DAB1: variants seen among roughly 807,000 people sequenced by gnomAD.
DAB1 encodes the protein DAB adaptor protein 1.
DAB1 carries 15 observed loss-of-function variants against 64.6 expected under a neutral mutation model. The ratio of observed to expected loss-of-function variants is 0.23; its 90% confidence interval spans 0.16 to 0.36. The LOEUF is 0.36. Ranked by LOEUF, DAB1 falls within the 10% of genes least tolerant of loss-of-function variation. DAB1 has a pLI of 1.00. For missense variants in DAB1, 596 were observed against 706.7 expected (o/e 0.84, Z 1.78); for synonymous variants, 235 against 251.9 (o/e 0.93, Z 0.64).
intron 8 of DAB1, among the ~76,000 whole-genome samples, chr1:57,064,292 G>A (rs543421510): frequency 6.6e-6 from 1 of 152,222 alleles, no homozygotes; most frequent in African/African-American, 2.4e-5. Flanking sequence ...GAGATGTTAG[G>A]GACTTTGCCC....
At chr1:58,541,286 T>C (rs1472306809) in intron 1 of DAB1, among the ~76,000 whole-genome samples, 5 of 54,870 alleles carry the variant, frequency 9.1e-5, no homozygotes, top group African/African-American at 2.9e-4. Context: ...AGAGTGAGAC[T>C]CTGTCTCAAA....
intron 5 of DAB1, among the ~76,000 whole-genome samples, chr1:58,031,463 A>G (rs139266352): frequency 3.9e-5 from 6 of 152,288 alleles, no homozygotes; most frequent in African/African-American, 1.2e-4. Context: ...TGAAATAAGA[A>G]TCTTCAGTGA....
chr1:57,847,460 T>C (rs773967281), intron 1 of DAB1, among the ~76,000 whole-genome samples: 17 of 152,216 alleles, frequency 1.1e-4, no homozygotes, highest in Middle Eastern at 3.4e-3. Flanking sequence ...AAATAAAGTC[T>C]TTCAGATTGG....
chr1:58,037,196 C>T (rs1333956225), intron 5 of DAB1, among the ~76,000 whole-genome samples: 1 of 152,128 alleles, frequency 6.6e-6, no homozygotes, highest in South Asian at 2.1e-4. Flanking sequence ...ACCCCCTTTG[C>T]CTGCACACAC....
At chr1:58,077,040 G>A (rs1157417904) in intron 5 of DAB1, among the ~76,000 whole-genome samples, 1 of 152,170 alleles carries the variant, frequency 6.6e-6, no homozygotes, top group Non-Finnish European at 1.5e-5. Context: ...GCCTTCAGGA[G>A]CAATGCTTGT....
rs1481976465 is a variant in DAB1, at chr1:57,641,378, GGTTTTTTTTTTT to G, written n.625+8202_625+8213del. ...TGCCCAGTTCCCTCTTTTTTTTGTT[GGTTTTTTTTTTT>G]TTTTTTTTTTTGAGACGGAGTCTCG... On this transcript the variant is annotated intron_variant and non_coding_transcript_variant, in intron 7 of 20. Transcript: ENST00000485760. 4.6e-5 allele frequency among the ~76,000 whole-genome samples: 5 copies of G among 109,804 alleles called. 1 individual carries two copies. Among genetic ancestry groups the G allele is most frequent in the Non-Finnish European group, 9.2e-5 (5 of 54,196 alleles). The allele number at this position is 109,804 out of a possible 152,430, so 72.0% of individuals were successfully genotyped here.
chr1:57,383,544 G>A (rs1048219949), intron 1 of DAB1, among the ~76,000 whole-genome samples: 2 of 152,152 alleles, frequency 1.3e-5, no homozygotes, highest in Non-Finnish European at 2.9e-5. Context: ...AAAACAGTGT[G>A]GTGCTGGCAT....
chr1:58,235,289 T>C (rs552682643), intron 4 of DAB1, among the ~76,000 whole-genome samples: 1 of 152,366 alleles, frequency 6.6e-6, no homozygotes, highest in South Asian at 2.1e-4. Context: ...AGATGTTCAG[T>C]AGCTTGTTGA....
chr1:57,405,648 C>T (rs1184067994), intron 1 of DAB1, among the ~76,000 whole-genome samples: 1 of 152,218 alleles, frequency 6.6e-6, no homozygotes, highest in Non-Finnish European at 1.5e-5. Flanking sequence ...GTCCAGTATT[C>T]TGTTACTGCA....
chr1:57,159,856 C>CAAA lies in DAB1; in HGVS notation c.68-14430_68-14428dup, dbSNP rs398049302. ...CACGTACAAGGTAGAAGCAGCAAGACAAAAAAAAAAAAAAAAAAAAAGGAA... is the reference window on the plus strand; with the variant it reads ...CACGTACAAGGTAGAAGCAGCAAGACAAAAAAAAAAAAAAAAAAAAAAAAGGAA... On this transcript the variant is annotated intron_variant, in intron 2 of 14. Transcript: ENST00000371236. Among the ~76,000 whole-genome samples, 592 of 86,308 alleles carry CAAA rather than the reference C, an allele frequency of 6.9e-3. 15 individuals are homozygous for CAAA. The highest frequency in any genetic ancestry group is 0.063 in the East Asian group (176 of 2,800). The allele number at this position is 86,308 out of a possible 152,430, so 56.6% of individuals were successfully genotyped here.
intron 5 of DAB1, among the ~76,000 whole-genome samples, chr1:58,016,628 C>A (rs372472184): frequency 1.5e-4 from 23 of 152,082 alleles, no homozygotes; most frequent in African/African-American, 4.8e-4. Context: ...TTAGCAAATG[C>A]CACCATCACC....
chr1:57,116,138 A>G (rs1474283841), intron 4 of DAB1, among the ~76,000 whole-genome samples: 1 of 152,116 alleles, frequency 6.6e-6, no homozygotes, highest in Non-Finnish European at 1.5e-5. Context: ...TCATCTTGGC[A>G]TGCTGAGCAG....
chr1:57,519,575 T>C (rs1644502156), intron 7 of DAB1, among the ~76,000 whole-genome samples: 1 of 152,098 alleles, frequency 6.6e-6, no homozygotes, highest in African/African-American at 2.4e-5. Context: ...TCAAAGCCCC[T>C]AGATGCAGTG....
At chr1:57,973,235 G>A (rs1374039139) in intron 5 of DAB1, among the ~76,000 whole-genome samples, 1 of 152,128 alleles carries the variant, frequency 6.6e-6, no homozygotes, top group Non-Finnish European at 1.5e-5. Flanking sequence ...AAATGATGTG[G>A]CCACAAGCTA....
intron 5 of DAB1, among the ~76,000 whole-genome samples, chr1:58,140,976 G>T (rs1412951630): frequency 6.6e-6 from 1 of 152,164 alleles, no homozygotes; most frequent in Non-Finnish European, 1.5e-5. Context: ...GTTTTATAAA[G>T]AAAAGAGGTT....
At chr1:57,213,759 C>T (rs1364549509) in intron 2 of DAB1, among the ~76,000 whole-genome samples, 1 of 152,152 alleles carries the variant, frequency 6.6e-6, no homozygotes, top group Non-Finnish European at 1.5e-5. Flanking sequence ...TTCAACCAAC[C>T]CAGGAACATT....
In DAB1 at chr1:57,778,263, T is replaced by A. The variant is rs111647123; in HGVS notation, n.551+105736A>T. Among the ~76,000 whole-genome samples the A allele has an allele frequency of 4.1e-3, 625 of 152,094 alleles. 6 individuals carry two copies. Among genetic ancestry groups the A allele is most frequent in the African/African-American group, 0.014 (600 of 41,510 alleles). On this transcript the variant is annotated intron_variant and non_coding_transcript_variant, in intron 6 of 20. Coordinates refer to the DAB1 transcript ENST00000485760. ...ATATGCATATTTCTGGAGCTTATTG[T>A]CTGTACACCAATTTCTTCTTTGAAA...
At chr1:57,154,525 G>A (rs955261190) in intron 2 of DAB1, among the ~76,000 whole-genome samples, 1 of 152,190 alleles carries the variant, frequency 6.6e-6, no homozygotes, top group African/African-American at 2.4e-5. Flanking sequence ...ATATCTCTTT[G>A]ATATACTGAT....
rs547551877 is a variant in DAB1 at position 58,523,915 on chromosome 1, A to G, written n.107+3346T>C. ...CTCCATCTCAAAAAAAGAAAAAAAGAACTGGCAGCCTTTACTGGCAAGATA... is the reference window on the plus strand; with the variant it reads ...CTCCATCTCAAAAAAAGAAAAAAAGGACTGGCAGCCTTTACTGGCAAGATA... On this transcript the variant is annotated intron_variant and non_coding_transcript_variant, in intron 2 of 20. Transcript: ENST00000485760. Among the ~76,000 whole-genome samples the G allele has an allele frequency of 3.3e-5, 5 of 152,286 alleles. No homozygotes were observed. In the East Asian group the frequency reaches 9.6e-4, roughly 29 times the overall value.
Sources: gnomAD v4.1 joint callset for allele counts (sites outside exome capture counted in the v4.1 genomes callset) on GRCh38, gnomAD v4.1.1 for gene constraint, MANE v1.5 for transcripts, NCBI Gene and HGNC (gene_info 2026-07-23, HGNC 2026-07-21) for gene names.